The following CCDC62 variants were observed in gnomAD, a reference collection of about 807,000 sequenced individuals.
CCDC62 encodes coiled-coil domain containing 62.
A neutral mutation model predicts 80.8 loss-of-function variants in CCDC62; 72 were observed. That is an observed-to-expected ratio of 0.89 (90% CI 0.74 to 1.08). CCDC62 has a LOEUF of 1.08. Among genes scored for constraint, CCDC62 ranks in the 50% least tolerant of loss-of-function variants. The pLI, the probability that CCDC62 is intolerant of heterozygous loss-of-function variation, is 0.00. For synonymous variants in CCDC62, 286 were observed against 296.5 expected (o/e 0.96, Z 0.36); for missense variants, 704 against 809.4 (o/e 0.87, Z 1.58).
intron 11 of CCDC62, among the ~76,000 whole-genome samples, chr12:122,817,328 G>A (rs966206711): frequency 2.0e-5 from 3 of 151,346 alleles, no homozygotes; most frequent in African/African-American, 7.3e-5. Context: ...CCAAAGTGCT[G>A]GGATTACAGG....
Position 122,797,309 on chromosome 12 carries a change from G to T in CCDC62, c.775G>T (p.Glu259Ter). The change falls in exon 7 of 13, where the codon GAG becomes TAG. Residue 259 changes from glutamate (E) to a stop codon, truncating the protein, a stop_gained and splice_region_variant. Transcript: ENST00000253079. LOFTEE classifies it high-confidence loss of function. Reference protein sequence around the residue: ...CLHDELLFTVEREKRKDELLN... With the variant: ...CLHDELLFTV ...TAATAATACTTGTTCTTAAATAGTA[G>T]AGAGAGAAAAGAGGAAAGATGAATT... 6.7e-7 allele frequency: 1 copy of T among 1,500,056 alleles called. No individual in the cohort carries two copies. The highest frequency in any genetic ancestry group is 1.1e-5 in the South Asian group (1 of 88,678). 92.9% of individuals were successfully genotyped at this position (1,500,056 alleles called of 1,614,324 possible). A position where few individuals can be genotyped will look rare whatever the true frequency, so the allele number is the denominator to read the frequency against.
rs1879285988 is a variant in CCDC62 at position 122,774,605 on chromosome 12, G to A, written c.-66G>A. On this transcript the variant is annotated 5_prime_UTR_variant, in exon 1 of 13. Transcript: ENST00000253079. ...CTCGCCCCCGCCGCTCGGGGCAGGC[G>A]CGCCGATGGCGTTTCTGAGGTGACG... 4 of 1,182,614 alleles carry A rather than the reference G, an allele frequency of 3.4e-6. No homozygotes were observed. Among genetic ancestry groups the A allele is most frequent in the Non-Finnish European group, 2.1e-6 (2 of 933,540 alleles). 73.3% of individuals were successfully genotyped at this position (1,182,614 alleles called of 1,614,324 possible).
intron 2 of CCDC62, 130 bp from the exon 3 acceptor site, chr12:122,781,034 A>G (rs933788432): frequency 1.5e-6 from 1 of 671,386 alleles, no homozygotes; most frequent in African/African-American, 1.8e-5. Context: ...ATTTCATAAT[A>G]AAAGGTTTTA....
chr12:122,782,083 C>G (rs887294644), intron 3 of CCDC62, among the ~76,000 whole-genome samples: 26 of 151,768 alleles, frequency 1.7e-4, no homozygotes, highest in African/African-American at 6.3e-4. Context: ...GCCTGTAGTC[C>G]CAGCCTCTGG....
intron 2 of CCDC62, 122 bp downstream of exon 2, chr12:122,777,805 A>C (rs2135524849): frequency 8.0e-5 from 70 of 872,052 alleles, no homozygotes; most frequent in Non-Finnish European, 9.3e-5. Context: ...GTTTAGGCTC[A>C]TTGGAGACAG....
chr12:122,781,110 T>C, intron 2 of CCDC62, 54 bp from the exon 3 acceptor site: 1 of 1,436,290 alleles, frequency 7.0e-7, no homozygotes, highest in Non-Finnish European at 9.5e-7. Flanking sequence ...ATTTTGAAAA[T>C]AATGCCTTTT....
chr12:122,810,720 C>A (rs532115335), intron 10 of CCDC62, among the ~76,000 whole-genome samples: 11 of 152,046 alleles, frequency 7.2e-5, no homozygotes, highest in African/African-American at 2.2e-4. Flanking sequence ...CACGTGCACA[C>A]GTATGTTTAT....
chr12:122,781,749 G>T (rs977905791), intron 3 of CCDC62, among the ~76,000 whole-genome samples: 1 of 151,888 alleles, frequency 6.6e-6, no homozygotes, highest in African/African-American at 2.4e-5. Context: ...TGTGAGGCTG[G>T]GCACAGTGGC....
intron 8 of CCDC62, among the ~76,000 whole-genome samples, chr12:122,799,123 T>A (rs1409366700): frequency 6.6e-6 from 1 of 152,134 alleles, no homozygotes; most frequent in Non-Finnish European, 1.5e-5. Context: ...TAAATGTGTG[T>A]GAGCTAATAA....
At chr12:122,788,595 A>G (rs1459094159) in intron 4 of CCDC62, among the ~76,000 whole-genome samples, 163 bp from the exon 5 acceptor site, 1 of 152,208 alleles carries the variant, frequency 6.6e-6, no homozygotes, top group African/African-American at 2.4e-5. Flanking sequence ...GGCAAGAACA[A>G]TAGTACCACC....
intron 4 of CCDC62, among the ~76,000 whole-genome samples, chr12:122,786,447 C>CG (rs75607513): frequency 0.12 from 18,008 of 151,780 alleles, 1,728 homozygotes; most frequent in East Asian, 0.27. Flanking sequence ...CGCGCTCAGC[C>CG]AGAGGTTTTT....
chr12:122,822,756 C>G (rs781129502), intron 11 of CCDC62, among the ~76,000 whole-genome samples: 8 of 151,810 alleles, frequency 5.3e-5, no homozygotes, highest in Admixed American at 6.6e-5. Flanking sequence ...GCTTCTTTCA[C>G]GCAGTCTAAT....
At chr12:122,777,361 T>C (rs1879526235) in intron 1 of CCDC62, 130 bp from the exon 2 acceptor site, 1 of 690,922 alleles carries the variant, frequency 1.4e-6, no homozygotes, top group Non-Finnish European at 2.4e-6. Flanking sequence ...TTTGCTGCCA[T>C]GTTATTAAAA....
intron 10 of CCDC62, among the ~76,000 whole-genome samples, chr12:122,811,274 C>T (rs1371831473): frequency 1.4e-5 from 2 of 138,724 alleles, no homozygotes; most frequent in South Asian, 2.2e-4. Flanking sequence ...TGCAATGGCA[C>T]GATCTCGGCT....
intron 10 of CCDC62, among the ~76,000 whole-genome samples, chr12:122,807,436 C>T (rs1297826939): frequency 6.5e-5 from 9 of 138,946 alleles, no homozygotes; most frequent in South Asian, 2.4e-4. Context: ...GAGGCTGAGG[C>T]GGGAGAATCG....
At chr12:122,813,595 C>A (rs2032037903) in intron 11 of CCDC62, among the ~76,000 whole-genome samples, 176 bp downstream of exon 11, 1 of 152,162 alleles carries the variant, frequency 6.6e-6, no homozygotes, top group South Asian at 2.1e-4. Flanking sequence ...TTAGATGTCA[C>A]TGGACCCAAA....
At chr12:122,815,668 C>T (rs2032138502) in intron 11 of CCDC62, among the ~76,000 whole-genome samples, 1 of 150,810 alleles carries the variant, frequency 6.6e-6, no homozygotes, top group Non-Finnish European at 1.5e-5. Flanking sequence ...AGGATGGTCT[C>T]CATCTCCTGA....
chr12:122,824,493 A>G (rs1362969626), intron 12 of CCDC62, among the ~76,000 whole-genome samples: 1 of 152,170 alleles, frequency 6.6e-6, no homozygotes, highest in East Asian at 1.9e-4. Context: ...AATGGCCATA[A>G]TTTAAAAATC....
chr12:122,806,772 G>A (rs1289401580), intron 10 of CCDC62, among the ~76,000 whole-genome samples: 2 of 149,720 alleles, frequency 1.3e-5, no homozygotes, highest in South Asian at 2.1e-4. Context: ...GTGAATCACC[G>A]TGCTGGGACT....
Sources: gnomAD v4.1 joint callset for allele counts (sites outside exome capture counted in the v4.1 genomes callset) on GRCh38, gnomAD v4.1.1 for gene constraint, MANE v1.5 for transcripts, NCBI Gene and HGNC (gene_info 2026-07-23, HGNC 2026-07-21) for gene names.